Variants in WDR44 observed in about 807,000 individuals in gnomAD.
WDR44 encodes the protein WD repeat-containing protein 44.
Under a neutral mutation model 65.7 loss-of-function variants are expected in WDR44, and 9 were observed. The observed-to-expected ratio is 0.14, with a 90% CI of 0.08 to 0.24. The LOEUF is 0.24. WDR44 is among the 10% of genes least tolerant of loss of function. WDR44 has a pLI of 1.00. For missense variants in WDR44, 425 were observed against 670.9 expected (o/e 0.63, Z 4.05); for synonymous variants, 220 against 235.2 (o/e 0.94, Z 0.59).
At chrX:118,419,206 C>G (rs1436352004) in intron 12 of WDR44, among the ~76,000 whole-genome samples, 1 of 111,551 alleles carries the variant, frequency 9.0e-6, no homozygotes, top group Non-Finnish European at 1.9e-5. Context: ...AGGCTTCTCG[C>G]CAGTTCAAAT....
chrX:118,346,253 G>A lies in WDR44; in HGVS notation c.-251G>A, dbSNP rs1213708570. The A allele has an allele frequency of 2.6e-6, 1 of 388,416 alleles. No homozygotes were observed. The highest frequency in any genetic ancestry group is 4.5e-5 in the East Asian group (1 of 22,410). The allele number at this position is 388,416 out of a possible 1,213,427, so 32.0% of individuals were successfully genotyped here. ...TCCTTATACACCTATCACTGGGAGC[G>A]GTGGCAGCAACATTCCCTGGACCAA... On this transcript the variant is annotated 5_prime_UTR_variant, in exon 1 of 20. Coordinates refer to ENST00000254029, the MANE Select transcript of WDR44 (RefSeq NM_019045.5).
intron 12 of WDR44, among the ~76,000 whole-genome samples, chrX:118,417,818 G>T (rs1375516211): frequency 8.9e-6 from 1 of 111,802 alleles, no homozygotes; most frequent in Non-Finnish European, 1.9e-5. Flanking sequence ...AGGAACATCA[G>T]TTATTCTTAG....
intron 10 of WDR44, 48 bp downstream of exon 10, chrX:118,407,074 G>A (rs760828772): frequency 2.1e-5 from 24 of 1,133,316 alleles, no homozygotes; most frequent in Non-Finnish European, 2.8e-5. Context: ...TTTGTTAAGA[G>A]AAATACTTTG....
At chrX:118,366,418 A>G (rs1368049656) in intron 1 of WDR44, among the ~76,000 whole-genome samples, 1 of 111,589 alleles carries the variant, frequency 9.0e-6, no homozygotes, top group Non-Finnish European at 1.9e-5. Flanking sequence ...GTTTTTAAAA[A>G]AATATTTCTT....
intron 1 of WDR44, among the ~76,000 whole-genome samples, chrX:118,368,401 G>T (rs2056572349): frequency 9.8e-6 from 1 of 102,487 alleles, no homozygotes; most frequent in African/African-American, 3.8e-5. Flanking sequence ...TTCCTATACC[G>T]TTTTATAAAA....
At chrX:118,380,276 A>G (rs7063343) in intron 2 of WDR44, among the ~76,000 whole-genome samples, 29,213 of 110,067 alleles carry the variant, frequency 0.27, 3,178 homozygotes, top group African/African-American at 0.39. Context: ...GCGAGTGTAT[A>G]GTTCTGCGCC....
chrX:118,387,088 A>G lies in WDR44; in HGVS notation c.112-252A>G, dbSNP rs760241122. On this transcript the variant is annotated intron_variant, in intron 2 of 19. Transcript: ENST00000254029. ...TCCCAGCTACTCGGGAGGCTGAGGC[A>G]GGAGAATCACTTGAACCCGGGAAGC... 1.3e-4 allele frequency among the ~76,000 whole-genome samples: 14 copies of G among 106,643 alleles called. No homozygotes were observed. The East Asian group carries it at 2.7e-3, about 21-fold the overall frequency. The allele number at this position is 106,643 out of a possible 115,157, so 92.6% of individuals were successfully genotyped here. A position where few individuals can be genotyped will look rare whatever the true frequency, so the allele number is the denominator to read the frequency against.
chrX:118,355,188 A>T (rs1445187894), intron 1 of WDR44, among the ~76,000 whole-genome samples: 1 of 111,466 alleles, frequency 9.0e-6, no homozygotes, highest in African/African-American at 3.3e-5. Context: ...TGAACATTTC[A>T]CTCAGCCCCA....
chrX:118,413,504 T>C (rs1222607057), intron 12 of WDR44, among the ~76,000 whole-genome samples: 1 of 112,095 alleles, frequency 8.9e-6, no homozygotes, highest in African/African-American at 3.2e-5. Flanking sequence ...ATTGTCTATT[T>C]ATGTCCTTAG....
intron 11 of WDR44, 49 bp from the exon 12 acceptor site, chrX:118,410,845 TC>T: frequency 9.6e-7 from 1 of 1,036,502 alleles, no homozygotes. Context: ...TTTTGGTGGG[TC>T]TGTGTGTGTA....
chrX:118,416,999 A>C (rs2057063057), intron 12 of WDR44, among the ~76,000 whole-genome samples: 1 of 111,963 alleles, frequency 8.9e-6, no homozygotes, highest in South Asian at 3.7e-4. Context: ...CTGATATAAG[A>C]ATAGCTACCC....
chrX:118,347,216 A>G (rs748331076), intron 1 of WDR44, among the ~76,000 whole-genome samples: 1 of 112,333 alleles, frequency 8.9e-6, no homozygotes, highest in East Asian at 2.8e-4. Flanking sequence ...GGTCCCTATT[A>G]GGCAGAATGC....
chrX:118,364,356 A>G (rs756011003), intron 1 of WDR44, among the ~76,000 whole-genome samples: 3 of 112,333 alleles, frequency 2.7e-5, no homozygotes, highest in South Asian at 3.7e-4. Flanking sequence ...TGGAGGGTCT[A>G]TTCCAGAAAG....
At position 118,346,595 on chromosome X, in the gene WDR44, C is replaced by T. The variant is rs1789599307; in HGVS notation, c.77+15C>T. The T allele has an allele frequency of 8.7e-7, 1 of 1,152,614 alleles. No homozygotes were observed. The highest frequency in any genetic ancestry group is 1.2e-6 in the Non-Finnish European group (1 of 859,383). The allele number at this position is 1,152,614 out of a possible 1,213,427, so 95.0% of individuals were successfully genotyped here. On this transcript the variant is annotated intron_variant, in intron 1 of 19. Transcript: ENST00000254029. ...TACCCCGTGGGGTAAGTGACTGCAG[C>T]TATGACAGGAAGCCGGGCATCCCAA...
chrX:118,398,764 T>A (rs775630569), intron 8 of WDR44, among the ~76,000 whole-genome samples: 1 of 111,534 alleles, frequency 9.0e-6, no homozygotes, highest in African/African-American at 3.3e-5. Context: ...CCATCTCTAC[T>A]AAAAATACAA....
chrX:118,414,724 A>C (rs148690406), intron 12 of WDR44, among the ~76,000 whole-genome samples: 2 of 112,011 alleles, frequency 1.8e-5, no homozygotes, highest in East Asian at 5.6e-4. Flanking sequence ...TGTTTACATT[A>C]ATCTTGTATC....
intron 12 of WDR44, among the ~76,000 whole-genome samples, chrX:118,426,284 C>T (rs2057155983): frequency 9.0e-6 from 1 of 111,393 alleles, no homozygotes; most frequent in South Asian, 3.7e-4. Flanking sequence ...AATGGGAAGA[C>T]TGATAAAGTA....
chrX:118,441,216 C>G, intron 14 of WDR44, 152 bp from the exon 15 acceptor site: 2 of 466,016 alleles, frequency 4.3e-6, no homozygotes, highest in Non-Finnish European at 7.0e-6. Context: ...CTTGGCCTCC[C>G]CCAAAGTGCT....
chrX:118,436,810 G>A lies in WDR44; in HGVS notation c.1960G>A (p.Ala654Thr), dbSNP rs147833933. The change falls in exon 14 of 20, where the codon GCT (alanine) becomes ACT (threonine). Residue 654 changes from alanine to threonine, a missense_variant. Physicochemically the swap from Ala to Thr is moderately conservative, Grantham distance 58. Transcript: ENST00000254029. ...ACATATAGATTTTGTCACTGCCATA[G>A]CTTTTCATCCAAGAGTAAGTAACTA... ...FQHIDFVTAI[A>T]FHPRDDRYFL... 1.7e-5 allele frequency: 20 copies of A among 1,180,135 alleles called. No individual in the cohort carries two copies. Among genetic ancestry groups the A allele is most frequent in the Non-Finnish European group, 2.3e-5 (20 of 879,452 alleles).
Sources: gnomAD v4.1 joint callset for allele counts (sites outside exome capture counted in the v4.1 genomes callset) on GRCh38, gnomAD v4.1.1 for gene constraint, MANE v1.5 for transcripts, NCBI Gene and HGNC (gene_info 2026-07-23, HGNC 2026-07-21) for gene names.